Variants in C1orf53 observed in about 807,000 individuals in gnomAD.
C1orf53 encodes the protein uncharacterized protein C1orf53.
Under a neutral mutation model 17.5 loss-of-function variants are expected in C1orf53, and 23 were observed. The observed-to-expected ratio is 1.31, with a 90% CI of 0.94 to 1.86. C1orf53 has a LOEUF of 1.86. Among genes scored for constraint, C1orf53 ranks in the 40% most tolerant of loss-of-function variants. The pLI is 0.00. For missense variants in C1orf53, 255 were observed against 193.2 expected, an observed-to-expected ratio of 1.32 and a Z score of -1.89; for synonymous variants, 108 against 81.9, an observed-to-expected ratio of 1.32 and a Z score of -1.72.
In C1orf53 at chr1:197,902,883, G is replaced by T; in HGVS notation, c.234G>T (p.Gln78His). ...AAGAGTTAACCGCGGCGGAGCGACA[G>T]ATCGCGGAGCTGCACGCTGCCGCCT... ...VSEELTAAERQIAELHAAACA... is the reference protein window; with the variant it reads ...VSEELTAAERHIAELHAAACA... The change falls in exon 1 of 3, where the codon CAG becomes CAT. Residue 78 changes from glutamine (Q) to histidine (H), a missense_variant. By Grantham distance (24) the Gln-to-His change is conservative. Transcript: ENST00000367393. 6.6e-7 allele frequency: 1 copy of T among 1,505,328 alleles called. No homozygotes were observed. The highest frequency in any genetic ancestry group is 8.8e-7 in the Non-Finnish European group (1 of 1,132,094). 93.2% of individuals were successfully genotyped at this position (1,505,328 alleles called of 1,614,324 possible). A position where few individuals can be genotyped will look rare whatever the true frequency, so the allele number is the denominator to read the frequency against.
At position 197,902,996 on chromosome 1, in the gene C1orf53, C is replaced by T. The variant is rs963422175; in HGVS notation, c.264+83C>T. 7 of 1,239,424 alleles carry T rather than the reference C, an allele frequency of 5.6e-6. No individual in the cohort carries two copies. In the African/African-American group the frequency reaches 6.3e-5, roughly 11 times the overall value. The allele number at this position is 1,239,424 out of a possible 1,614,324, so 76.8% of individuals were successfully genotyped here. On this transcript the variant is annotated intron_variant, in intron 1 of 2. Coordinates refer to ENST00000367393, the MANE Select transcript of C1orf53 (RefSeq NM_001024594.3). ...TGCGCATCCCGGGCCTCTCCGGACC[C>T]GGAGGCCGCCCGGCAGAGGCAAAGG...
At position 197,902,916 on chromosome 1, in the gene C1orf53, G is replaced by A. The variant is rs1659452037; in HGVS notation, c.264+3G>A. Reference sequence around the variant, plus strand: ...AGCTGCACGCTGCCGCCTGCGCGGTGAGACTCCCTCCTGCCCGCCCCGCCC... The same window carrying A: ...AGCTGCACGCTGCCGCCTGCGCGGTAAGACTCCCTCCTGCCCGCCCCGCCC... On this transcript the variant is annotated splice_donor_region_variant and intron_variant, in intron 1 of 2. Coordinates refer to ENST00000367393, the MANE Select transcript of C1orf53 (RefSeq NM_001024594.3). The A allele has an allele frequency of 6.9e-7, 1 of 1,454,456 alleles. No homozygotes were observed. Among genetic ancestry groups the A allele is most frequent in the Admixed American group, 2.5e-5 (1 of 40,360 alleles). 90.1% of individuals were successfully genotyped at this position (1,454,456 alleles called of 1,614,324 possible).
chr1:197,903,426 A>T (rs1174642685), intron 1 of C1orf53, among the ~76,000 whole-genome samples: 1 of 152,164 alleles, frequency 6.6e-6, no homozygotes, highest in African/African-American at 2.4e-5. Context: ...AGCAGAGGGA[A>T]CTACAATCTG....
chr1:197,902,991 G>C (rs1330455683), intron 1 of C1orf53, 78 bp downstream of exon 1: 8 of 1,262,180 alleles, frequency 6.3e-6, no homozygotes, highest in Non-Finnish European at 8.0e-6. Context: ...GGGCCTCTCC[G>C]GACCCGGAGG....
rs2102583948 is a variant in C1orf53, at chr1:197,907,326, A to C, written c.*106A>C. ...GTACTTGAACACTAGTTTAATCCTA[A>C]ATACATATATTAAAAGAACATCAAT... On this transcript the variant is annotated 3_prime_UTR_variant, in exon 3 of 3. Coordinates refer to ENST00000367393, the MANE Select transcript of C1orf53 (RefSeq NM_001024594.3). 1.8e-6 allele frequency: 1 copy of C among 544,908 alleles called. No individual in the cohort carries two copies. Among genetic ancestry groups the C allele is most frequent in the Non-Finnish European group, 3.2e-6 (1 of 308,852 alleles). The allele number at this position is 544,908 out of a possible 1,614,324, so 33.8% of individuals were successfully genotyped here.
intron 1 of C1orf53, 130 bp downstream of exon 1, chr1:197,903,043 C>T: frequency 1.2e-6 from 1 of 852,908 alleles, no homozygotes; most frequent in Non-Finnish European, 1.6e-6. Context: ...CGGTGCGGTC[C>T]TGCCTCGGGC....
rs1432147605 is a variant in C1orf53 at position 197,902,931 on chromosome 1, C to T, written c.264+18C>T. 3 of 1,350,094 alleles carry T rather than the reference C, an allele frequency of 2.2e-6. No homozygotes were observed. Among genetic ancestry groups the T allele is most frequent in the Non-Finnish European group, 2.8e-6 (3 of 1,057,398 alleles). The allele number at this position is 1,350,094 out of a possible 1,614,324, so 83.6% of individuals were successfully genotyped here. On this transcript the variant is annotated intron_variant, in intron 1 of 2. Transcript: ENST00000367393. ...CCTGCGCGGTGAGACTCCCTCCTGC[C>T]CGCCCCGCCCCGCCGCGGCCGCCCC... is the stretch of plus-strand genomic sequence containing the variant.
Position 197,902,666 on chromosome 1 carries a change from T to G in C1orf53, c.17T>G (p.Ile6Ser). MAARQ[I>S]WARTGAALCR... is the part of the protein sequence containing the mutation. ...GGCGGCGGCATGGCGGCCAGGCAGA[T>G]CTGGGCACGGACGGGTGCCGCGCTC... is the stretch of plus-strand genomic sequence containing the variant. Residue 6 changes from isoleucine to serine, a missense_variant, in exon 1 of 3, where the codon ATC (isoleucine) becomes AGC (serine). Ile to Ser is a moderately radical substitution (Grantham distance 142, BLOSUM62 -2). Transcript: ENST00000367393. 6.8e-7 allele frequency: 1 copy of G among 1,476,988 alleles called. No homozygotes were observed. The highest frequency in any genetic ancestry group is 8.9e-7 in the Non-Finnish European group (1 of 1,120,186). The allele number at this position is 1,476,988 out of a possible 1,614,324, so 91.5% of individuals were successfully genotyped here.
At chr1:197,905,950 C>T (rs746108983) in intron 2 of C1orf53, 53 bp downstream of exon 2, 175 of 1,215,680 alleles carry the variant, frequency 1.4e-4, no homozygotes, top group Admixed American at 3.6e-4. Context: ...TCTGTAACTT[C>T]GTAAATACCT....
At chr1:197,906,320 A>AT (rs561295166) in intron 2 of C1orf53, among the ~76,000 whole-genome samples, 21 of 151,872 alleles carry the variant, frequency 1.4e-4, no homozygotes, top group Admixed American at 8.5e-4. Flanking sequence ...TCAGATAATG[A>AT]TTTTTTCTTT....
At position 197,907,241 on chromosome 1, in the gene C1orf53, CCTAA is replaced by C. The variant is rs1557965894; in HGVS notation, c.*24_*27del. On this transcript the variant is annotated 3_prime_UTR_variant, in exon 3 of 3. Coordinates refer to ENST00000367393, the MANE Select transcript of C1orf53 (RefSeq NM_001024594.3). ...TTTGACAAGAATTTCATCTCTGTTCCCTAACTGTGCTTGTATTTTTTAAAAAATA... is the reference window on the plus strand; with the variant it reads ...TTTGACAAGAATTTCATCTCTGTTCCCTGTGCTTGTATTTTTTAAAAAATA... The C allele has an allele frequency of 4.4e-6, 6 of 1,371,116 alleles. No individual in the cohort carries two copies. In the African/African-American group the frequency reaches 5.8e-5, roughly 13 times the overall value. The allele number at this position is 1,371,116 out of a possible 1,614,324, so 84.9% of individuals were successfully genotyped here.
At position 197,905,862 on chromosome 1, in the gene C1orf53, C is replaced by A; in HGVS notation, c.331C>A (p.Gln111Lys). The A allele has an allele frequency of 6.2e-7, 1 of 1,613,912 alleles. No homozygotes were observed. Among genetic ancestry groups the A allele is most frequent in the Non-Finnish European group, 8.5e-7 (1 of 1,179,826 alleles). Residue 111 changes from glutamine to lysine, a missense_variant, in exon 2 of 3, where the codon CAA (glutamine) becomes AAA (lysine). Transcript: ENST00000367393. ...GGTGCTCACACAGATTGCCCACTTG[C>A]AAAGAGGTGAATGTTGTGGCTCTGC... ...YVVLTQIAHL[Q>K]RGECCGSACR...
rs748249993 is a variant in C1orf53, at chr1:197,902,831, A to G, written c.182A>G (p.Glu61Gly). 10 of 1,566,314 alleles carry G rather than the reference A, an allele frequency of 6.4e-6. No individual in the cohort carries two copies. The African/African-American group carries it at 1.1e-4, about 18-fold the overall frequency. The change falls in exon 1 of 3, where the codon GAG becomes GGG. Residue 61 changes from glutamate to glycine, a missense_variant. Transcript: ENST00000367393. ...GSAPSTPGRPERAARPSVSEE... is the reference protein window; with the variant it reads ...GSAPSTPGRPGRAARPSVSEE... ...GCGCCCAGCACGCCCGGTAGGCCGG[A>G]GAGAGCGGCGAGGCCTTCGGTGAGC... is the stretch of plus-strand genomic sequence containing the variant.
intron 1 of C1orf53, 94 bp downstream of exon 1, chr1:197,903,007 C>G (rs938856461): frequency 1.1e-5 from 13 of 1,181,348 alleles, no homozygotes; most frequent in Non-Finnish European, 1.3e-5. Context: ...GGAGGCCGCC[C>G]GGCAGAGGCA....
intron 2 of C1orf53, among the ~76,000 whole-genome samples, 178 bp downstream of exon 2, chr1:197,906,075 T>G (rs1208573122): frequency 6.6e-6 from 1 of 152,232 alleles, no homozygotes; most frequent in African/African-American, 2.4e-5. Flanking sequence ...CTTTTAAAGT[T>G]AATGGAATTT....
chr1:197,907,218 T>C lies in C1orf53; in HGVS notation c.436T>C (p.Ter146ArgextTer17). 2 of 1,548,214 alleles carry C rather than the reference T, an allele frequency of 1.3e-6. No homozygotes were observed. Among genetic ancestry groups the C allele is most frequent in the Non-Finnish European group, 1.8e-6 (2 of 1,127,930 alleles). ...KKQFNSYFYV[*>R] ...GCAATTCAATTCATATTTTTATGTT[T>C]GACAAGAATTTCATCTCTGTTCCCT... is the stretch of plus-strand genomic sequence containing the variant. The change falls in exon 3 of 3, where the codon TGA (stop) becomes CGA (arginine). Residue 146 changes from the stop codon to arginine (R), a stop_lost. Coordinates refer to ENST00000367393, the MANE Select transcript of C1orf53 (RefSeq NM_001024594.3).
Position 197,907,246 on chromosome 1 carries a change from C to A in C1orf53, c.*26C>A, listed in dbSNP as rs1553227595. 2 of 1,347,012 alleles carry A rather than the reference C, an allele frequency of 1.5e-6. No homozygotes were observed. The highest frequency in any genetic ancestry group is 4.7e-5 in the East Asian group (2 of 42,532). 83.4% of individuals were successfully genotyped at this position (1,347,012 alleles called of 1,614,324 possible). The stretch of plus-strand genomic sequence containing the variant: ...CAAGAATTTCATCTCTGTTCCCTAA[C>A]TGTGCTTGTATTTTTTAAAAAATAA... On this transcript the variant is annotated 3_prime_UTR_variant, in exon 3 of 3. Coordinates refer to ENST00000367393, the MANE Select transcript of C1orf53 (RefSeq NM_001024594.3).
intron 1 of C1orf53, 27 bp downstream of exon 1, chr1:197,902,940 C>CCCGCCGCGG: frequency 7.4e-7 from 1 of 1,342,982 alleles, no homozygotes; most frequent in Non-Finnish European, 9.5e-7. Context: ...CCCGCCCCGC[C>CCCGCCGCGG]CCGCCGCGGC....
intron 2 of C1orf53, 124 bp from the exon 3 acceptor site, chr1:197,907,025 G>A (rs918099253): frequency 8.6e-6 from 5 of 583,220 alleles, no homozygotes; most frequent in African/African-American, 2.0e-5. Flanking sequence ...TAGTCTGCAG[G>A]ACCTGATAGT....
Sources: gnomAD v4.1 joint callset for allele counts (sites outside exome capture counted in the v4.1 genomes callset) on GRCh38, gnomAD v4.1.1 for gene constraint, MANE v1.5 for transcripts, NCBI Gene and HGNC (gene_info 2026-07-23, HGNC 2026-07-21) for gene names.